The following RIMBP2 variants were observed in gnomAD, a reference collection of about 807,000 sequenced individuals.
RIMBP2 encodes the protein RIMS binding protein 2.
A neutral mutation model predicts 118.6 loss-of-function variants in RIMBP2; 48 were observed. The ratio of observed to expected loss-of-function variants is 0.40; its 90% confidence interval spans 0.32 to 0.51. RIMBP2 has a LOEUF of 0.51. Ranked by LOEUF, RIMBP2 falls within the 20% of genes least tolerant of loss-of-function variation. The pLI is 0.41. For synonymous variants in RIMBP2, 762 were observed against 742.9 expected, an observed-to-expected ratio of 1.03 and a Z score of -0.42; for missense variants, 1,551 against 1,768.3, an observed-to-expected ratio of 0.88 and a Z score of 2.20.
chr12:130,495,183 G>A (rs895853014), intron 4 of RIMBP2, among the ~76,000 whole-genome samples: 15 of 152,214 alleles, frequency 9.9e-5, no homozygotes, highest in African/African-American at 2.4e-4. Flanking sequence ...GGACTTGGGC[G>A]TCATTTGGGG....
intron 4 of RIMBP2, among the ~76,000 whole-genome samples, chr12:130,484,598 G>A (rs974865626): frequency 2.7e-4 from 41 of 152,154 alleles, no homozygotes; most frequent in African/African-American, 7.5e-4. Context: ...TGGGTCACTC[G>A]GCACAGATGC....
intron 9 of RIMBP2, among the ~76,000 whole-genome samples, chr12:130,448,120 TA>T (rs5801923): frequency 0.16 from 21,252 of 137,058 alleles, 1,895 homozygotes; most frequent in East Asian, 0.42. Context: ...GGTGGGTGGT[TA>T]AAAAAAAAAA....
intron 20 of RIMBP2, among the ~76,000 whole-genome samples, 197 bp downstream of exon 20, chr12:130,407,527 CAT>C (rs1161609319): frequency 4.6e-5 from 7 of 152,178 alleles, no homozygotes; most frequent in Non-Finnish European, 8.8e-5. Flanking sequence ...AGGGGCTGGC[CAT>C]GTCCCTGGGA....
chr12:130,443,480 A>T (rs1254636045), intron 10 of RIMBP2, among the ~76,000 whole-genome samples: 1 of 152,208 alleles, frequency 6.6e-6, no homozygotes, highest in Non-Finnish European at 1.5e-5. Flanking sequence ...ATTCATCACA[A>T]GGTACCCACA....
chr12:130,492,599 G>A (rs993401627), intron 4 of RIMBP2, among the ~76,000 whole-genome samples: 1 of 152,182 alleles, frequency 6.6e-6, no homozygotes, highest in South Asian at 2.1e-4. Context: ...CTCACACACA[G>A]TTTCTGTCCT....
At chr12:130,679,833 G>A (rs746785271) in intron 1 of RIMBP2, among the ~76,000 whole-genome samples, 15 of 152,252 alleles carry the variant, frequency 9.9e-5, no homozygotes, top group Admixed American at 6.5e-4. Context: ...CACCCACCGC[G>A]GGAAGGACCT....
At chr12:130,512,031 G>A (rs911177272) in intron 3 of RIMBP2, among the ~76,000 whole-genome samples, 1 of 152,298 alleles carries the variant, frequency 6.6e-6, no homozygotes, top group African/African-American at 2.4e-5. Context: ...AGAAGGGGGC[G>A]TTCTCTAATT....
At chr12:130,708,419 G>T (rs1566473456) in intron 1 of RIMBP2, among the ~76,000 whole-genome samples, 1 of 152,214 alleles carries the variant, frequency 6.6e-6, no homozygotes, top group Admixed American at 6.5e-5. Context: ...TGGGCATGGT[G>T]GCTCGTGCCT....
At chr12:130,568,792 G>A (rs533033612) in intron 2 of RIMBP2, among the ~76,000 whole-genome samples, 1 of 152,034 alleles carries the variant, frequency 6.6e-6, no homozygotes, top group Non-Finnish European at 1.5e-5. Context: ...TTTTTTTCCA[G>A]CCAGCTCCTG....
At chr12:130,706,113 C>A (rs1056689256) in intron 1 of RIMBP2, among the ~76,000 whole-genome samples, 3 of 152,180 alleles carry the variant, frequency 2.0e-5, no homozygotes, top group Admixed American at 6.5e-5. Context: ...TAGCAGGAAT[C>A]GTAATAGCTA....
intron 19 of RIMBP2, among the ~76,000 whole-genome samples, chr12:130,408,366 G>A (rs2075378880): frequency 6.6e-6 from 1 of 152,212 alleles, no homozygotes; most frequent in Non-Finnish European, 1.5e-5. Flanking sequence ...TCTCCACCCA[G>A]CCCAGTGGCT....
At chr12:130,438,335 A>AACCACCCCCCCCCC in intron 12 of RIMBP2, 30 bp downstream of exon 12, 3 of 865,014 alleles carry the variant, frequency 3.5e-6, no homozygotes, top group Non-Finnish European at 3.8e-6. Context: ...GGCCTAACAA[A>AACCACCCCCCCCCC]CCCTCCCCAC....
Position 130,397,087 on chromosome 12 carries a change from T to C in RIMBP2, c.*274A>G. 4.1e-6 allele frequency: 1 copy of C among 245,940 alleles called. No homozygotes were observed. Among genetic ancestry groups the C allele is most frequent in the Non-Finnish European group, 7.7e-6 (1 of 129,786 alleles). 15.2% of individuals were successfully genotyped at this position (245,940 alleles called of 1,614,324 possible). A position where few individuals can be genotyped will look rare whatever the true frequency, so the allele number is the denominator to read the frequency against. Reference sequence around the variant, plus strand: ...CAGGTAGGGAGGGAGCTACAGGTGATAGCTATGCGCCCCCGTTTGTTAATA... The same window carrying C: ...CAGGTAGGGAGGGAGCTACAGGTGACAGCTATGCGCCCCCGTTTGTTAATA... On this transcript the variant is annotated 3_prime_UTR_variant, in exon 23 of 23. Coordinates refer to ENST00000690449, the MANE Select transcript of RIMBP2 (RefSeq NM_001393629.1).
intron 6 of RIMBP2, among the ~76,000 whole-genome samples, chr12:130,457,346 G>A (rs530743719): frequency 6.6e-6 from 1 of 152,282 alleles, no homozygotes; most frequent in East Asian, 1.9e-4. Context: ...GAAGGCAAGC[G>A]TCTCCCCCAG....
At chr12:130,679,549 A>G (rs1374970922) in intron 1 of RIMBP2, among the ~76,000 whole-genome samples, 1 of 152,214 alleles carries the variant, frequency 6.6e-6, no homozygotes, top group Non-Finnish European at 1.5e-5. Flanking sequence ...AGAGCTCCCA[A>G]GGTCCTGAGG....
In RIMBP2 at chr12:130,683,886, TA is replaced by T. The variant is rs918671259; in HGVS notation, c.-352+32335del. Among the ~76,000 whole-genome samples the T allele has an allele frequency of 2.8e-4, 42 of 152,206 alleles. No individual in the cohort carries two copies. Among genetic ancestry groups the T allele is most frequent in the African/African-American group, 9.9e-4 (41 of 41,460 alleles). ...CCTCGGGGTTGTCCTGCCTATGGAA[TA>T]GCCATTCTTTATTCCTTTACTTTCC... On this transcript the variant is annotated intron_variant, in intron 1 of 22. Coordinates refer to ENST00000690449, the MANE Select transcript of RIMBP2 (RefSeq NM_001393629.1). This position sits in a 1 kb window ranked among gnomAD's most constrained non-coding sequence, Gnocchi z 4.4.
intron 4 of RIMBP2, among the ~76,000 whole-genome samples, chr12:130,502,689 G>A (rs1304937157): frequency 6.6e-6 from 1 of 152,190 alleles, no homozygotes; most frequent in Non-Finnish European, 1.5e-5. Context: ...CTGCCTGACA[G>A]TGTATCACAC....
chr12:130,493,482 T>A (rs914547847), intron 4 of RIMBP2, among the ~76,000 whole-genome samples: 4 of 152,020 alleles, frequency 2.6e-5, no homozygotes, highest in Non-Finnish European at 5.9e-5. Context: ...GCCTGGTTAA[T>A]TTTTGTATTT....
At chr12:130,518,130 G>A (rs757264810) in intron 2 of RIMBP2, among the ~76,000 whole-genome samples, 8 of 152,042 alleles carry the variant, frequency 5.3e-5, no homozygotes, top group South Asian at 4.2e-4. Context: ...TATATTATAC[G>A]ATGATTAGAA....
Sources: allele counts gnomAD v4.1 joint callset (sites outside exome capture counted in the v4.1 genomes callset), GRCh38; gene constraint gnomAD v4.1.1; non-coding constraint Gnocchi (gnomAD v3.1); transcripts MANE v1.5; gene names NCBI Gene and HGNC (gene_info 2026-07-23, HGNC 2026-07-21).